Variants in NEBL observed in about 807,000 individuals in gnomAD.
NEBL encodes nebulette, also known as LIM and SH3 protein 2.
A neutral mutation model predicts 140.2 loss-of-function variants in NEBL; 122 were observed. The ratio of observed to expected loss-of-function variants is 0.87; its 90% CI spans 0.75 to 1.01. The LOEUF (loss-of-function observed/expected upper bound fraction) is 1.01, where lower values mean the gene tolerates loss of function less well. Ranked by LOEUF, NEBL falls within the 50% of genes least tolerant of loss-of-function variation. NEBL has a pLI of 0.00. For synonymous variants in NEBL, 436 were observed against 398.9 expected (o/e 1.09, Z -1.11); for missense variants, 1,365 against 1,231.3 (o/e 1.11, Z -1.62).
rs1180920699 is a variant in NEBL at position 20,823,217 on chromosome 10, G to A, written c.1953C>T (p.Asn651=). Residue 651 remains asparagine (N), a synonymous_variant, in exon 19 of 28, where the codon AAC becomes AAT. Coordinates refer to ENST00000377122, the MANE Select transcript of NEBL (RefSeq NM_006393.3). ...ELKRVKENQK[N]ISNLQYKEQN... ...TAAGAAATATGATCACATTGCTGAT[G>A]TTCTTCTGGTTTTCTTTAACTCTCT... 1 of 1,602,648 alleles carries A rather than the reference G, an allele frequency of 6.2e-7. No individual in the cohort carries two copies. Among genetic ancestry groups the A allele is most frequent in the Non-Finnish European group, 8.5e-7 (1 of 1,172,900 alleles).
In NEBL at chr10:20,859,697, A is replaced by G. The variant is rs778197363; in HGVS notation, c.798+16T>C. 2.7e-6 allele frequency: 4 copies of G among 1,487,034 alleles called. No individual in the cohort carries two copies. In the Admixed American group the frequency reaches 5.1e-5, roughly 19 times the overall value. 92.1% of individuals were successfully genotyped at this position (1,487,034 alleles called of 1,614,324 possible). On this transcript the variant is annotated intron_variant, in intron 8 of 27. Coordinates refer to ENST00000377122, the MANE Select transcript of NEBL (RefSeq NM_006393.3). Reference sequence around the variant, plus strand: ...CAAAAGATTTTGAAAATAATTTTCTATGAATTACAACTTACATTGCTCGCC... The same window carrying G: ...CAAAAGATTTTGAAAATAATTTTCTGTGAATTACAACTTACATTGCTCGCC...
intron 2 of NEBL, among the ~76,000 whole-genome samples, chr10:21,169,059 AAAAAAAAAATATATATATATAT>A (rs1437240438): frequency 6.8e-5 from 3 of 43,826 alleles, no homozygotes; most frequent in African/African-American, 2.2e-4. Context: ...CAAAAAAAAA[AAAAAAAAAATATATATATATAT>A]ATATATATAT....
At chr10:21,067,157 G>C (rs1394053041) in intron 2 of NEBL, among the ~76,000 whole-genome samples, 3 of 151,874 alleles carry the variant, frequency 2.0e-5, no homozygotes, top group African/African-American at 4.8e-5. Flanking sequence ...ATTTATAGTA[G>C]AGATGGGGTT....
intron 2 of NEBL, chr10:21,110,781 A>G (rs1837967590): frequency 1.8e-6 from 1 of 545,738 alleles, no homozygotes; most frequent in South Asian, 1.5e-5. Context: ...AGCACCAATT[A>G]TCTTTAAGAA....
intron 3 of NEBL, among the ~76,000 whole-genome samples, chr10:21,191,179 C>A: frequency 6.6e-6 from 1 of 152,208 alleles, no homozygotes; most frequent in Non-Finnish European, 1.5e-5. Context: ...CCTGGGATCT[C>A]ACCCCCAAGT....
rs77904949 is a variant in NEBL, at chr10:21,009,138, T to C, written c.249+10979A>G. 6.6e-5 allele frequency among the ~76,000 whole-genome samples: 10 copies of C among 152,310 alleles called. No individual in the cohort carries two copies. In the East Asian group the frequency reaches 1.9e-3, roughly 29 times the overall value. On this transcript the variant is annotated intron_variant, in intron 3 of 6. Coordinates refer to the NEBL transcript ENST00000417816. Reference sequence around the variant, plus strand: ...AGAGCTACTTTGGTTTTAATTTTAATGGTTTATAAGCATTAAAGCCATTCT... The same window carrying C: ...AGAGCTACTTTGGTTTTAATTTTAACGGTTTATAAGCATTAAAGCCATTCT...
At chr10:20,868,577 A>T (rs1434090659) in intron 7 of NEBL, 87 bp downstream of exon 7, 1 of 923,506 alleles carries the variant, frequency 1.1e-6, no homozygotes, top group Admixed American at 1.7e-5. Context: ...GCAATTAAAG[A>T]TATTATCTAA....
intron 26 of NEBL, among the ~76,000 whole-genome samples, chr10:20,789,129 G>A (rs997640178): frequency 1.3e-5 from 2 of 152,128 alleles, no homozygotes; most frequent in Non-Finnish European, 2.9e-5. Context: ...AAATGGCACT[G>A]GCTACTCACG....
At chr10:20,867,505 T>C (rs1312423899) in intron 7 of NEBL, among the ~76,000 whole-genome samples, 4 of 152,184 alleles carry the variant, frequency 2.6e-5, no homozygotes, top group Admixed American at 2.6e-4. Context: ...ACATTACCTT[T>C]TTCATTCAGA....
chr10:20,976,923 A>T (rs57233495), intron 3 of NEBL, among the ~76,000 whole-genome samples: 23,092 of 131,736 alleles, frequency 0.18, 4,113 homozygotes, highest in African/African-American at 0.5. Context: ...AATCTACATT[A>T]AAAAAAAAAA....
At chr10:21,009,664 A>G (rs1838261077) in intron 3 of NEBL, among the ~76,000 whole-genome samples, 1 of 152,194 alleles carries the variant, frequency 6.6e-6, no homozygotes, top group Non-Finnish European at 1.5e-5. Context: ...AATACAATAC[A>G]ATTGTCCCAA....
intron 3 of NEBL, among the ~76,000 whole-genome samples, chr10:21,246,416 T>C (rs913497404): frequency 2.6e-5 from 4 of 152,248 alleles, no homozygotes; most frequent in African/African-American, 9.6e-5. Flanking sequence ...CGTGAAGGTT[T>C]ATAGCAATTC....
chr10:20,894,565 A>G (rs1366813484), intron 2 of NEBL, among the ~76,000 whole-genome samples: 2 of 152,092 alleles, frequency 1.3e-5, no homozygotes, highest in Non-Finnish European at 2.9e-5. Context: ...TAAGTATCTT[A>G]GCAAGTATAG....
intron 2 of NEBL, chr10:21,110,909 A>C: frequency 1.8e-6 from 1 of 558,524 alleles, no homozygotes; most frequent in South Asian, 1.5e-5. Context: ...TCTGTACAAA[A>C]TCAATGTGCA....
intron 5 of NEBL, among the ~76,000 whole-genome samples, chr10:20,877,921 G>C (rs1845660936): frequency 6.6e-6 from 1 of 152,064 alleles, no homozygotes; most frequent in African/African-American, 2.4e-5. Context: ...TCTTTCTTTT[G>C]CCTAGTAAAC....
At position 20,826,453 on chromosome 10, in the gene NEBL, A is replaced by G; in HGVS notation, c.1863T>C (p.Ile621=). The G allele has an allele frequency of 6.2e-7, 1 of 1,608,502 alleles. No homozygotes were observed. Among genetic ancestry groups the G allele is most frequent in the Non-Finnish European group, 8.5e-7 (1 of 1,175,156 alleles). Reference sequence around the variant, plus strand: ...AATGCTGTAGAGAACTTACTGAACTAATATTCTGCTGATTTTTCTTCACTC... The same window carrying G: ...AATGCTGTAGAGAACTTACTGAACTGATATTCTGCTGATTTTTCTTCACTC... The part of the protein sequence containing the change: ...IERVKKNQQN[I]SSVKYKEEIK... Residue 621 remains isoleucine (I), a synonymous_variant, in exon 18 of 28, where the codon ATT becomes ATC. Coordinates refer to ENST00000377122, the MANE Select transcript of NEBL (RefSeq NM_006393.3).
intron 3 of NEBL, among the ~76,000 whole-genome samples, chr10:21,216,778 A>AG (rs1233280152): frequency 1.3e-5 from 2 of 151,400 alleles, no homozygotes; most frequent in African/African-American, 2.4e-5. Context: ...CTCGAAAAAA[A>AG]AAAAAGAAAA....
At chr10:21,006,358 C>T (rs1362376174) in intron 3 of NEBL, among the ~76,000 whole-genome samples, 1 of 152,112 alleles carries the variant, frequency 6.6e-6, no homozygotes, top group Admixed American at 6.5e-5. Flanking sequence ...ACACTTGTTG[C>T]TAGATTGCTT....
intron 3 of NEBL, among the ~76,000 whole-genome samples, chr10:21,007,410 G>A (rs1186500937): frequency 6.6e-6 from 1 of 152,132 alleles, no homozygotes; most frequent in African/African-American, 2.4e-5. Context: ...AAAATACCAA[G>A]GTTTTTCTCC....
Sources: gnomAD v4.1 joint callset for allele counts (sites outside exome capture counted in the v4.1 genomes callset) on GRCh38, gnomAD v4.1.1 for gene constraint, MANE v1.5 for transcripts, NCBI Gene and HGNC (gene_info 2026-07-23, HGNC 2026-07-21) for gene names.